The following SH3D19 variants were observed in gnomAD, a reference collection of about 807,000 sequenced individuals.
SH3D19 encodes the protein SH3 domain containing 19, also known as SH3 domain-containing protein 19.
In SH3D19, 58 loss-of-function variants were observed where a neutral mutation model predicts 112.1. The ratio of observed to expected loss-of-function variants is 0.52; its 90% CI spans 0.42 to 0.64. SH3D19 has a LOEUF of 0.64. Ranked by LOEUF, SH3D19 falls within the 30% of genes least tolerant of loss-of-function variation. SH3D19 has a pLI of 0.00. For synonymous variants in SH3D19, 391 were observed against 448.5 expected, an observed-to-expected ratio of 0.87 and a Z score of 1.62; for missense variants, 1,090 against 1,263.4, an observed-to-expected ratio of 0.86 and a Z score of 2.08.
chr4:151,181,549 G>A (rs1314104535), intron 3 of SH3D19: 5 of 152,118 alleles, frequency 3.3e-5, no homozygotes, highest in Admixed American at 1.3e-4. Flanking sequence ...GCTCTGCATG[G>A]TGTGTCTGAT....
intron 8 of SH3D19, among the ~76,000 whole-genome samples, chr4:151,161,238 C>G (rs1005818303): frequency 1.3e-5 from 2 of 152,080 alleles, no homozygotes; most frequent in Non-Finnish European, 2.9e-5. Flanking sequence ...AAAAGGACAA[C>G]CTGGTCAGAA....
chr4:151,152,801 G>A (rs1224820275), intron 9 of SH3D19, among the ~76,000 whole-genome samples: 1 of 151,792 alleles, frequency 6.6e-6, no homozygotes, highest in African/African-American at 2.4e-5. Context: ...TTACAGAGGT[G>A]AGCCACTGTG....
At chr4:151,125,493 A>AAAAAAAAAAAAAAAAAAAAAAAAACC (rs1749037552) in intron 19 of SH3D19, among the ~76,000 whole-genome samples, 1 of 95,468 alleles carries the variant, frequency 1.0e-5, no homozygotes, top group Non-Finnish European at 2.1e-5. Flanking sequence ...AAACAAAACC[A>AAAAAAAAAAAAAAAAAAAAAAAAACC]AAAAAAAAAA....
At chr4:151,283,622 G>A (rs953211051) in intron 1 of SH3D19, among the ~76,000 whole-genome samples, 15 of 149,834 alleles carry the variant, frequency 1.0e-4, no homozygotes, top group African/African-American at 3.7e-4. Context: ...GGTTCAATCA[G>A]TCATCCTCCC....
chr4:151,229,426 A>T (rs1166215734), intron 1 of SH3D19, among the ~76,000 whole-genome samples: 1 of 152,064 alleles, frequency 6.6e-6, no homozygotes, highest in Admixed American at 6.6e-5. Flanking sequence ...TCACTCAAAG[A>T]CCAGCAGTAT....
chr4:151,191,112 G>T (rs1015765203), intron 2 of SH3D19, among the ~76,000 whole-genome samples: 11 of 152,186 alleles, frequency 7.2e-5, no homozygotes, highest in African/African-American at 2.7e-4. Context: ...AGACTTGCAT[G>T]GGGACTGTAG....
chr4:151,187,387 C>T, intron 3 of SH3D19, 36 bp downstream of exon 3: 1 of 1,148,478 alleles, frequency 8.7e-7, no homozygotes, highest in Non-Finnish European at 1.1e-6. Context: ...AAAATTATTA[C>T]AGAGGAAAAT....
intron 1 of SH3D19, among the ~76,000 whole-genome samples, chr4:151,241,745 A>G (rs2149968228): frequency 6.6e-6 from 1 of 151,960 alleles, no homozygotes; most frequent in Middle Eastern, 3.4e-3. Flanking sequence ...ATTATATCTA[A>G]TAAAGCTGTT....
chr4:151,166,538 A>C (rs1758063750), intron 7 of SH3D19, among the ~76,000 whole-genome samples: 2 of 152,138 alleles, frequency 1.3e-5, no homozygotes, highest in African/African-American at 2.4e-5. Context: ...AATATTAACA[A>C]AAATAAAAGA....
At chr4:151,294,203 G>A (rs1457482580) in intron 1 of SH3D19, among the ~76,000 whole-genome samples, 1 of 152,160 alleles carries the variant, frequency 6.6e-6, no homozygotes, top group African/African-American at 2.4e-5. Context: ...AAAAATCAAT[G>A]AGTAATATTC....
At chr4:151,134,356 G>C (rs1265843961) in intron 15 of SH3D19, among the ~76,000 whole-genome samples, 1 of 152,166 alleles carries the variant, frequency 6.6e-6, no homozygotes, top group Non-Finnish European at 1.5e-5. Context: ...AATCACAAAG[G>C]AGTTACAATG....
chr4:151,277,882 A>T (rs1316547790), intron 1 of SH3D19, among the ~76,000 whole-genome samples: 1 of 152,090 alleles, frequency 6.6e-6, no homozygotes, highest in Non-Finnish European at 1.5e-5. Flanking sequence ...CTCTACAAAA[A>T]ATACAAAAAT....
chr4:151,244,199 A>AAGC (rs1770762346), intron 1 of SH3D19, among the ~76,000 whole-genome samples: 1 of 150,978 alleles, frequency 6.6e-6, no homozygotes, highest in Non-Finnish European at 1.5e-5. Flanking sequence ...CCCACATCTC[A>AAGC]AACAACAACA....
rs189455132 is a variant in SH3D19, at chr4:151,146,418, C to T, written c.2082+1504G>A. Reference sequence around the variant, plus strand: ...TTCAAGCAGTTGGCTTCCCAAAGTGCTGGGATTACAGGTGTGAGCCACTGC... The same window carrying T: ...TTCAAGCAGTTGGCTTCCCAAAGTGTTGGGATTACAGGTGTGAGCCACTGC... On this transcript the variant is annotated intron_variant, in intron 11 of 19. Coordinates refer to ENST00000604030, the MANE Select transcript of SH3D19 (RefSeq NM_001378122.1). Among the ~76,000 whole-genome samples, 737 of 151,754 alleles carry T rather than the reference C, an allele frequency of 4.9e-3. 6 individuals carry two copies. The highest frequency in any genetic ancestry group is 6.4e-3 in the Non-Finnish European group (435 of 67,954).
intron 1 of SH3D19, among the ~76,000 whole-genome samples, chr4:151,294,765 G>A (rs1775584965): frequency 6.6e-6 from 1 of 152,220 alleles, no homozygotes; most frequent in Admixed American, 6.5e-5. Context: ...GTGGAAGACA[G>A]ACAATAACCA....
chr4:151,133,449 C>T (rs1324936834), intron 15 of SH3D19, among the ~76,000 whole-genome samples: 3 of 152,150 alleles, frequency 2.0e-5, no homozygotes, highest in African/African-American at 7.2e-5. Flanking sequence ...AGCTCAAGGT[C>T]GCGGAGTGCA....
intron 2 of SH3D19, among the ~76,000 whole-genome samples, chr4:151,200,184 C>G (rs938990): frequency 2.6e-5 from 4 of 152,006 alleles, no homozygotes; most frequent in Non-Finnish European, 5.9e-5. Context: ...ACCTGGTCTA[C>G]AGTATTTTGT....
chr4:151,244,048 G>A (rs1770748967), intron 1 of SH3D19, among the ~76,000 whole-genome samples: 1 of 152,184 alleles, frequency 6.6e-6, no homozygotes, highest in African/African-American at 2.4e-5. Flanking sequence ...TTGGAAGGGA[G>A]GCTGAGTTAT....
chr4:151,192,040 G>A (rs920109262), intron 2 of SH3D19, among the ~76,000 whole-genome samples: 1 of 148,786 alleles, frequency 6.7e-6, no homozygotes, highest in African/African-American at 2.5e-5. Flanking sequence ...CGCCTCCTGG[G>A]TTCACGCCAT....
Sources: gnomAD v4.1 joint callset for allele counts (sites outside exome capture counted in the v4.1 genomes callset) on GRCh38, gnomAD v4.1.1 for gene constraint, MANE v1.5 for transcripts, NCBI Gene and HGNC (gene_info 2026-07-23, HGNC 2026-07-21) for gene names.